The following SASH1 variants were observed in gnomAD, a reference collection of about 807,000 sequenced individuals.
SASH1 encodes SAM and SH3 domain-containing protein 1.
SASH1 carries 44 observed loss-of-function variants against 125.2 expected under a neutral mutation model. The ratio of observed to expected loss-of-function variants is 0.35; its 90% CI spans 0.28 to 0.45. SASH1 has a LOEUF of 0.45. Among genes scored for constraint, SASH1 ranks in the 20% least tolerant of loss-of-function variants. The pLI, the probability that SASH1 is intolerant of heterozygous loss-of-function variation, is 1.00. For missense variants in SASH1, 1,426 were observed against 1,614.5 expected (o/e 0.88, Z 2.00); for synonymous variants, 639 against 649.1 (o/e 0.98, Z 0.24).
chr6:148,548,785 G>A lies in SASH1; in HGVS notation c.*227G>A. The A allele has an allele frequency of 2.1e-6, 1 of 465,540 alleles. No individual in the cohort carries two copies. The highest frequency in any genetic ancestry group is 3.7e-6 in the Non-Finnish European group (1 of 267,382). 28.8% of individuals were successfully genotyped at this position (465,540 alleles called of 1,614,324 possible). A position where few individuals can be genotyped will look rare whatever the true frequency, so the allele number is the denominator to read the frequency against. ...GGTTCTCTTTGACCCCCAAAGACAA[G>A]ACAAGCACTTATTTTTATTTTCAGA... On this transcript the variant is annotated 3_prime_UTR_variant, in exon 20 of 20. Coordinates refer to ENST00000367467, the MANE Select transcript of SASH1 (RefSeq NM_015278.5).
intron 1 of SASH1, among the ~76,000 whole-genome samples, chr6:148,345,352 A>G (rs530245780): frequency 1.3e-5 from 2 of 152,292 alleles, no homozygotes; most frequent in African/African-American, 4.8e-5. Context: ...GTGGGGCTTC[A>G]GAAGCTCAAA....
the SASH1 span, among the ~76,000 whole-genome samples, chr6:148,210,487 C>T: frequency 3.3e-5 from 5 of 152,124 alleles, no homozygotes; most frequent in South Asian, 6.2e-4. Context: ...GAGCCAAGAT[C>T]GCGCCATTGC....
At chr6:148,456,873 C>CAATAATAAT (rs56067798) in intron 4 of SASH1, among the ~76,000 whole-genome samples, 9,441 of 142,222 alleles carry the variant, frequency 0.066, 569 homozygotes, top group African/African-American at 0.15. Context: ...TGTCTCATAA[C>CAATAATAAT]AATAATAATA....
chr6:148,328,141 G>A (rs1229665470), intron 1 of SASH1, among the ~76,000 whole-genome samples: 2 of 152,016 alleles, frequency 1.3e-5, no homozygotes, highest in African/African-American at 2.4e-5. Flanking sequence ...GGTTGGCCTC[G>A]AGTGATTCTC....
chr6:148,362,992 G>T (rs939710760), intron 1 of SASH1, among the ~76,000 whole-genome samples: 4 of 152,248 alleles, frequency 2.6e-5, no homozygotes, highest in Non-Finnish European at 5.9e-5. Flanking sequence ...GGTGTGGAGA[G>T]AAAGTTGTAG....
intron 1 of SASH1, among the ~76,000 whole-genome samples, chr6:148,279,483 G>C (rs1779278318): frequency 6.6e-6 from 1 of 152,142 alleles, no homozygotes; most frequent in Non-Finnish European, 1.5e-5. Flanking sequence ...TATCCCGTTA[G>C]GTTCTGGTTG....
chr6:148,348,661 A>G (rs1490435305), intron 1 of SASH1, among the ~76,000 whole-genome samples: 2 of 152,178 alleles, frequency 1.3e-5, no homozygotes, highest in Admixed American at 6.5e-5. Flanking sequence ...AGTCATGCAG[A>G]TAGTAGATGG....
intron 1 of SASH1, among the ~76,000 whole-genome samples, chr6:148,370,790 T>TGAGCAACTGTACAC (rs1782676717): frequency 6.6e-6 from 1 of 152,158 alleles, no homozygotes; most frequent in Non-Finnish European, 1.5e-5. Context: ...ACCACTGTAC[T>TGAGCAACTGTACAC]TCAGCCTGGG....
chr6:148,396,648 G>T (rs1462495592), intron 2 of SASH1, among the ~76,000 whole-genome samples: 1 of 152,126 alleles, frequency 6.6e-6, no homozygotes, highest in Non-Finnish European at 1.5e-5. Flanking sequence ...AATTGTCAGA[G>T]CCTCTTTTGA....
the SASH1 span, among the ~76,000 whole-genome samples, chr6:148,233,742 C>CA: frequency 0.012 from 725 of 60,492 alleles, 38 homozygotes; most frequent in Middle Eastern, 0.018. Context: ...TTCCTCTCTA[C>CA]AAAAAAAAAA....
chr6:148,233,162 C>T, the SASH1 span, among the ~76,000 whole-genome samples: 7 of 150,524 alleles, frequency 4.7e-5, no homozygotes, highest in Non-Finnish European at 1.5e-5. Flanking sequence ...TGCAGTGAGC[C>T]GAGATCGCGC....
At chr6:148,322,914 CTTTT>C (rs1381385165) in intron 1 of SASH1, among the ~76,000 whole-genome samples, 3 of 145,110 alleles carry the variant, frequency 2.1e-5, no homozygotes, top group Admixed American at 1.4e-4. Context: ...CTCTTTCTTT[CTTTT>C]TTCTTTCTCT....
chr6:148,535,478 G>GGTTA (rs1220799281), intron 16 of SASH1, among the ~76,000 whole-genome samples: 1 of 152,168 alleles, frequency 6.6e-6, no homozygotes, highest in African/African-American at 2.4e-5. Flanking sequence ...TGAATAGACT[G>GGTTA]GTTAGTGAAT....
chr6:148,439,468 A>C (rs1291019346), intron 2 of SASH1, among the ~76,000 whole-genome samples: 1 of 152,180 alleles, frequency 6.6e-6, no homozygotes, highest in Non-Finnish European at 1.5e-5. Flanking sequence ...AGTGCTCTGA[A>C]TACATTTAGA....
rs186218841 is a variant in SASH1, at chr6:148,486,914, C to A, written c.628-700C>A. 1.9e-3 allele frequency among the ~76,000 whole-genome samples: 211 copies of A among 112,702 alleles called. No homozygotes were observed. In the East Asian group the frequency reaches 0.033, roughly 18 times the overall value. 73.9% of individuals were successfully genotyped at this position (112,702 alleles called of 152,430 possible). The stretch of plus-strand genomic sequence containing the variant: ...TGTAGCCTGGGTGACAGAGTAGAGA[C>A]CCTGTCTCAACAACAACAACAAATA... On this transcript the variant is annotated intron_variant, in intron 7 of 19. Transcript: ENST00000367467.
Position 148,548,823 on chromosome 6 carries a change from C to G in SASH1, c.*265C>G, listed in dbSNP as rs535751025. ...TTTTATTTTCAGAAGACAAAAGAACCAAGATGCCAACTGGCTGCGAATGCT... is the reference window on the plus strand; with the variant it reads ...TTTTATTTTCAGAAGACAAAAGAACGAAGATGCCAACTGGCTGCGAATGCT... On this transcript the variant is annotated 3_prime_UTR_variant, in exon 20 of 20. Transcript: ENST00000367467. 19 of 376,778 alleles carry G rather than the reference C, an allele frequency of 5.0e-5. No homozygotes were observed. In the Admixed American group the frequency reaches 5.1e-4, roughly 10 times the overall value. The allele number at this position is 376,778 out of a possible 1,614,324, so 23.3% of individuals were successfully genotyped here. A position where few individuals can be genotyped will look rare whatever the true frequency, so the allele number is the denominator to read the frequency against.
At chr6:148,521,080 A>G (rs928020660) in intron 10 of SASH1, among the ~76,000 whole-genome samples, 1 of 152,214 alleles carries the variant, frequency 6.6e-6, no homozygotes, top group African/African-American at 2.4e-5. Flanking sequence ...TTCACTTTTA[A>G]CGCTGGATGA....
chr6:148,449,456 C>T (rs185573477), intron 4 of SASH1, among the ~76,000 whole-genome samples: 133 of 150,648 alleles, frequency 8.8e-4, no homozygotes, highest in Non-Finnish European at 1.7e-3. Flanking sequence ...GGTGCAATCT[C>T]GGCTCACTGC....
chr6:148,513,081 T>C, intron 8 of SASH1: 4 of 985,456 alleles, frequency 4.1e-6, no homozygotes, highest in Non-Finnish European at 4.8e-6. Context: ...ATAGAAACTC[T>C]ACTTCTTCTT....
Sources: gnomAD v4.1 joint callset for allele counts (sites outside exome capture counted in the v4.1 genomes callset) on GRCh38, gnomAD v4.1.1 for gene constraint, MANE v1.5 for transcripts, NCBI Gene and HGNC (gene_info 2026-07-23, HGNC 2026-07-21) for gene names.